Variants in MTUS1 observed in about 807,000 individuals in gnomAD.
The protein encoded by MTUS1 is microtubule associated scaffold protein 1.
A neutral mutation model predicts 120.8 loss-of-function variants in MTUS1; 109 were observed. The observed-to-expected ratio is 0.90, with a 90% CI of 0.77 to 1.06. MTUS1 has a LOEUF of 1.06. Ranked by LOEUF, MTUS1 falls within the 50% of genes least tolerant of loss-of-function variation. The probability of loss-of-function intolerance (pLI) is 0.00; values close to 1 mark genes in which losing one functional copy is unlikely to be tolerated. For missense variants in MTUS1, 2,210 were observed against 1,486.3 expected (o/e 1.49, Z -8.01); for synonymous variants, 737 against 550.5 (o/e 1.34, Z -4.74).
At chr8:17,686,069 A>G (rs540204683) in intron 6 of MTUS1, among the ~76,000 whole-genome samples, 1 of 152,338 alleles carries the variant, frequency 6.6e-6, no homozygotes, top group African/African-American at 2.4e-5. Flanking sequence ...ATAACACATA[A>G]CAATTCCACA....
chr8:17,793,695 G>C lies in MTUS1; in HGVS notation c.-155+7366C>G, dbSNP rs75005909. ...AAATTAAGAGACGCCAAAGAGTACA[G>C]TGCTAAGTATTTTCCTTCTTAATCC... On this transcript the variant is annotated intron_variant, in intron 1 of 14. Transcript: ENST00000693296. Among the ~76,000 whole-genome samples, 968 of 152,276 alleles carry C rather than the reference G, an allele frequency of 6.4e-3. 11 individuals carry two copies. The highest frequency in any genetic ancestry group is 0.022 in the African/African-American group (934 of 41,548).
Position 17,723,721 on chromosome 8 carries a change from G to T in MTUS1, c.2400C>A (p.Thr800=). 6.2e-7 allele frequency: 1 copy of T among 1,610,940 alleles called. No individual in the cohort carries two copies. The highest frequency in any genetic ancestry group is 1.1e-5 in the South Asian group (1 of 90,960). ...KSPALRRTGS[T]PSIASTHSEL... ...CACTGTGGGTGCTGGCTATTGAGGG[G>T]GTGCTTCCTGTCCTCCGCAGCGCAG... The change falls in exon 4 of 15, where the codon ACC becomes ACA. Residue 800 remains threonine (T), a synonymous_variant. Coordinates refer to ENST00000693296, the MANE Select transcript of MTUS1 (RefSeq NM_001363059.2).
intron 6 of MTUS1, chr8:17,704,121 T>A (rs769231086): frequency 2.0e-5 from 3 of 152,200 alleles, no homozygotes; most frequent in Non-Finnish European, 2.9e-5. Flanking sequence ...CATTGAAATA[T>A]TGGGGGCGAC....
At position 17,727,604 on chromosome 8, in the gene MTUS1, T is replaced by C. The variant is rs73580530; in HGVS notation, c.2288-3771A>G. Reference sequence around the variant, plus strand: ...AGCAATATTAGGTTAATTGAGAGACTGCAAGTAACACAGGCGCTAAATTCT... The same window carrying C: ...AGCAATATTAGGTTAATTGAGAGACCGCAAGTAACACAGGCGCTAAATTCT... On this transcript the variant is annotated intron_variant, in intron 3 of 14. Transcript: ENST00000693296. 6.5e-3 allele frequency among the ~76,000 whole-genome samples: 985 copies of C among 152,352 alleles called. 10 individuals carry two copies. The highest frequency in any genetic ancestry group is 0.021 in the African/African-American group (881 of 41,584).
At chr8:17,738,773 C>G (rs1156917983) in intron 3 of MTUS1, among the ~76,000 whole-genome samples, 1 of 152,082 alleles carries the variant, frequency 6.6e-6, no homozygotes, top group East Asian at 1.9e-4. Context: ...AGCTTTAAAC[C>G]AAGGCCTGAA....
chr8:17,759,103 G>A (rs904132277), intron 1 of MTUS1, among the ~76,000 whole-genome samples: 2 of 151,518 alleles, frequency 1.3e-5, no homozygotes, highest in Admixed American at 6.6e-5. Flanking sequence ...GCATGGTCTT[G>A]ATCTCCTGAC....
chr8:17,780,100 G>T (rs2050757471), intron 1 of MTUS1, among the ~76,000 whole-genome samples: 1 of 152,120 alleles, frequency 6.6e-6, no homozygotes, highest in African/African-American at 2.4e-5. Flanking sequence ...CCACAAGAGG[G>T]AGTCAGTTCT....
At chr8:17,662,392 G>C (rs1259966960) in intron 8 of MTUS1, among the ~76,000 whole-genome samples, 4 of 122,798 alleles carry the variant, frequency 3.3e-5, no homozygotes, top group Non-Finnish European at 1.6e-5. Flanking sequence ...GTCTCGCACT[G>C]TCACCTGGGC....
At chr8:17,797,447 T>A (rs976335575) in intron 1 of MTUS1, among the ~76,000 whole-genome samples, 31 of 151,384 alleles carry the variant, frequency 2.0e-4, no homozygotes, top group African/African-American at 7.1e-4. Context: ...AATAAAAAGT[T>A]AGAAGAAATT....
Position 17,801,050 on chromosome 8 carries a change from C to G in MTUS1, c.-155+11G>C. The G allele has an allele frequency of 6.6e-6, 1 of 152,472 alleles. No homozygotes were observed. The highest frequency in any genetic ancestry group is 1.5e-5 in the Non-Finnish European group (1 of 68,208). The allele number at this position is 152,472 out of a possible 1,614,324, so 9.4% of individuals were successfully genotyped here. ...GCCGGGCAGCGGGAACAGATTCCAG[C>G]GCGCACTTACCCGCAGCTCCTTCAA... On this transcript the variant is annotated intron_variant, in intron 1 of 14. Coordinates refer to ENST00000693296, the MANE Select transcript of MTUS1 (RefSeq NM_001363059.2).
chr8:17,655,357 T>G (rs978786910), intron 9 of MTUS1, among the ~76,000 whole-genome samples: 24 of 152,164 alleles, frequency 1.6e-4, no homozygotes, highest in Admixed American at 2.0e-4. Context: ...TACAAGGGAT[T>G]ATTTCTGGGT....
At chr8:17,783,531 T>A (rs1332041476) in intron 1 of MTUS1, among the ~76,000 whole-genome samples, 4 of 152,158 alleles carry the variant, frequency 2.6e-5, no homozygotes, top group South Asian at 4.1e-4. Flanking sequence ...ATTTTTTTTT[T>A]AAATAAAAAG....
chr8:17,658,752 G>A (rs1427344045), intron 8 of MTUS1, among the ~76,000 whole-genome samples: 2 of 152,140 alleles, frequency 1.3e-5, no homozygotes, highest in Non-Finnish European at 2.9e-5. Context: ...GAAAATGGCA[G>A]GTTCTTAGGA....
At chr8:17,782,569 T>A (rs1320665845) in intron 1 of MTUS1, among the ~76,000 whole-genome samples, 1 of 152,224 alleles carries the variant, frequency 6.6e-6, no homozygotes, top group Non-Finnish European at 1.5e-5. Context: ...AGTGAAGTTT[T>A]ATGGGAGAGT....
intron 7 of MTUS1, among the ~76,000 whole-genome samples, chr8:17,680,694 A>G (rs1009821124): frequency 3.3e-5 from 5 of 152,068 alleles, no homozygotes; most frequent in Non-Finnish European, 7.4e-5. Context: ...AACTCTCTCT[A>G]TAACTGAGCA....
In MTUS1 at chr8:17,753,925, C is replaced by A; in HGVS notation, c.1883G>T (p.Gly628Val). Residue 628 changes from glycine (G) to valine (V), a missense_variant, in exon 2 of 15, where the codon GGG becomes GTG. Gly to Val is a moderately radical substitution (Grantham distance 109). Coordinates refer to ENST00000693296, the MANE Select transcript of MTUS1 (RefSeq NM_001363059.2). ...ASSSNSACET[G>V]SVSALFQKIK... ...CTTCTGAAACAACGCAGAAACGGAC[C>A]CGGTCTCGCATGCTGAGTTAGAAGA... 6.2e-7 allele frequency: 1 copy of A among 1,614,104 alleles called. No homozygotes were observed. The highest frequency in any genetic ancestry group is 1.3e-5 in the African/African-American group (1 of 75,022).
chr8:17,791,343 T>G (rs1392309510), intron 1 of MTUS1, among the ~76,000 whole-genome samples: 1 of 152,178 alleles, frequency 6.6e-6, no homozygotes, highest in Non-Finnish European at 1.5e-5. Context: ...ACAAAATTGC[T>G]TTTATATTTA....
intron 1 of MTUS1, among the ~76,000 whole-genome samples, chr8:17,800,417 A>T (rs2052588672): frequency 1.3e-5 from 2 of 152,344 alleles, no homozygotes; most frequent in African/African-American, 4.8e-5. Flanking sequence ...AGTATTTAAC[A>T]GAGTATGTGT....
chr8:17,792,263 G>C (rs1436226342), intron 1 of MTUS1, among the ~76,000 whole-genome samples: 1 of 152,126 alleles, frequency 6.6e-6, no homozygotes, highest in Non-Finnish European at 1.5e-5. Context: ...GCAGTCCCTA[G>C]CACTGAAGGA....
Sources: gnomAD v4.1 joint callset for allele counts (sites outside exome capture counted in the v4.1 genomes callset) on GRCh38, gnomAD v4.1.1 for gene constraint, MANE v1.5 for transcripts, NCBI Gene and HGNC (gene_info 2026-07-23, HGNC 2026-07-21) for gene names.